NRG3: variants seen among roughly 807,000 people sequenced by gnomAD.
NRG3 encodes pro-neuregulin-3, membrane-bound isoform.
Under a neutral mutation model 66.9 loss-of-function variants are expected in NRG3, and 31 were observed. The ratio of observed to expected loss-of-function variants is 0.46; its 90% CI spans 0.35 to 0.63. NRG3 has a LOEUF of 0.63. Among genes scored for constraint, NRG3 ranks in the 20% least tolerant of loss-of-function variants. The pLI is 0.00. For missense variants in NRG3, 910 were observed against 878.9 expected, an observed-to-expected ratio of 1.04 and a Z score of -0.45; for synonymous variants, 393 against 359.4, an observed-to-expected ratio of 1.09 and a Z score of -1.06.
At chr10:82,296,768 G>A (rs1589630329) in intron 1 of NRG3, among the ~76,000 whole-genome samples, 1 of 151,642 alleles carries the variant, frequency 6.6e-6, no homozygotes, top group East Asian at 1.9e-4. Flanking sequence ...CCTTCTATAT[G>A]AGTGTATGTA....
intron 1 of NRG3, chr10:82,228,997 A>T (rs1480001339): frequency 6.6e-6 from 1 of 152,280 alleles, no homozygotes; most frequent in East Asian, 1.9e-4. Flanking sequence ...GTCCTGAGTG[A>T]CATCTCTCTC....
intron 1 of NRG3, among the ~76,000 whole-genome samples, chr10:82,221,250 T>A: frequency 6.7e-6 from 1 of 148,180 alleles, no homozygotes. Context: ...AAAAAAAAAT[T>A]GGCAAGACAG....
chr10:82,240,205 G>A (rs969958984), intron 1 of NRG3, among the ~76,000 whole-genome samples: 4 of 151,592 alleles, frequency 2.6e-5, no homozygotes, highest in Admixed American at 2.0e-4. Flanking sequence ...TACCACTATC[G>A]ATATAATGTG....
chr10:82,924,344 C>T (rs1055428461), intron 4 of NRG3, among the ~76,000 whole-genome samples: 3 of 152,074 alleles, frequency 2.0e-5, no homozygotes, highest in Non-Finnish European at 4.4e-5. Context: ...AAATGCTCCA[C>T]TACCCTGTGC....
chr10:82,215,012 C>T (rs2075592544), intron 1 of NRG3, among the ~76,000 whole-genome samples: 1 of 152,110 alleles, frequency 6.6e-6, no homozygotes, highest in Non-Finnish European at 1.5e-5. Context: ...GTTAAGTACT[C>T]ATATCTAAAG....
intron 1 of NRG3, among the ~76,000 whole-genome samples, chr10:82,083,963 C>G (rs1002678243): frequency 6.6e-6 from 1 of 151,548 alleles, no homozygotes; most frequent in Non-Finnish European, 1.5e-5. Context: ...TGTGGTGGCT[C>G]ACTCCTGTAA....
intron 2 of NRG3, among the ~76,000 whole-genome samples, chr10:82,395,591 A>G (rs1209922573): frequency 1.3e-5 from 2 of 152,222 alleles, no homozygotes; most frequent in African/African-American, 4.8e-5. Context: ...ATATGGCATT[A>G]TATATCTGTC....
At chr10:82,231,690 G>C (rs1008780073) in intron 1 of NRG3, among the ~76,000 whole-genome samples, 1 of 152,094 alleles carries the variant, frequency 6.6e-6, no homozygotes, top group African/African-American at 2.4e-5. Context: ...GGGCAAAAGA[G>C]AAGAAAACAT....
At chr10:82,193,816 A>C (rs1405967935) in intron 1 of NRG3, among the ~76,000 whole-genome samples, 1 of 152,164 alleles carries the variant, frequency 6.6e-6, no homozygotes, top group Non-Finnish European at 1.5e-5. Context: ...CTATTGGATA[A>C]ATACCCTAAG....
chr10:82,237,059 T>C (rs1267953572), intron 1 of NRG3, among the ~76,000 whole-genome samples: 9 of 152,140 alleles, frequency 5.9e-5, no homozygotes, highest in Non-Finnish European at 1.2e-4. Context: ...ACAATGTCTT[T>C]TCAAAAACTC....
At chr10:82,353,886 G>A (rs1434898374) in intron 1 of NRG3, among the ~76,000 whole-genome samples, 1 of 151,726 alleles carries the variant, frequency 6.6e-6, no homozygotes, top group Non-Finnish European at 1.5e-5. Flanking sequence ...CTATGCTGCT[G>A]GGCTGATTTT....
chr10:82,176,609 G>C (rs2073050369), intron 1 of NRG3, among the ~76,000 whole-genome samples: 1 of 152,068 alleles, frequency 6.6e-6, no homozygotes, highest in African/African-American at 2.4e-5. Context: ...CTCCAGCGGT[G>C]TTTGGTTTGG....
chr10:82,853,278 C>CT (rs1190018248), intron 3 of NRG3, among the ~76,000 whole-genome samples: 2 of 152,042 alleles, frequency 1.3e-5, no homozygotes, highest in African/African-American at 4.8e-5. Flanking sequence ...TATGTGGGCT[C>CT]TTTTTTGGTT....
At chr10:82,129,704 G>A (rs750449671) in intron 1 of NRG3, among the ~76,000 whole-genome samples, 1 of 151,790 alleles carries the variant, frequency 6.6e-6, no homozygotes, top group Admixed American at 6.6e-5. Context: ...CTCCCAATAG[G>A]CATGCTCCAC....
chr10:82,943,079 A>G (rs929341998), intron 4 of NRG3, among the ~76,000 whole-genome samples: 1 of 152,186 alleles, frequency 6.6e-6, no homozygotes, highest in African/African-American at 2.4e-5. Flanking sequence ...CTAGTTTTGC[A>G]TATGGGAGTA....
chr10:82,038,257 A>G (rs1589864490), intron 1 of NRG3, among the ~76,000 whole-genome samples: 1 of 152,234 alleles, frequency 6.6e-6, no homozygotes, highest in African/African-American at 2.4e-5. Flanking sequence ...TGGTTTCTTC[A>G]AATCACTTTT....
rs114324520 is a variant in NRG3 at position 82,101,780 on chromosome 10, C to T, written c.823+225617C>T. On this transcript the variant is annotated intron_variant, in intron 1 of 8. Transcript: ENST00000372141. ...TATCTTGGAGAATATTTCATGGTTA[C>T]TTGAAAATGTCTATTACTGTTGGAT... is the stretch of plus-strand genomic sequence containing the variant. Among the ~76,000 whole-genome samples, 966 of 120,382 alleles carry T rather than the reference C, an allele frequency of 8.0e-3. 10 individuals are homozygous for T. Among genetic ancestry groups the T allele is most frequent in the African/African-American group, 0.023 (920 of 39,324 alleles). 79.0% of individuals were successfully genotyped at this position (120,382 alleles called of 152,430 possible).
intron 1 of NRG3, chr10:82,224,453 A>C (rs774887604): frequency 2.0e-5 from 3 of 152,220 alleles, no homozygotes; most frequent in African/African-American, 4.8e-5. Context: ...AGCTGTGTTC[A>C]TGTCTGCCCC....
rs561340967 is a variant in NRG3, at chr10:82,833,940, G to A, written c.1028-31471G>A. On this transcript the variant is annotated intron_variant, in intron 3 of 8. Transcript: ENST00000372141. Reference sequence around the variant, plus strand: ...CCACTTCACATGGGAGAATGGAGGTGAAGTGAGGTTGTGGAAAATAATAAA... The same window carrying A: ...CCACTTCACATGGGAGAATGGAGGTAAAGTGAGGTTGTGGAAAATAATAAA... Among the ~76,000 whole-genome samples, 3 of 152,322 alleles carry A rather than the reference G, an allele frequency of 2.0e-5. No individual in the cohort carries two copies. In the East Asian group the frequency reaches 5.8e-4, roughly 29 times the overall value.
Sources: gnomAD v4.1 joint callset for allele counts (sites outside exome capture counted in the v4.1 genomes callset) on GRCh38, gnomAD v4.1.1 for gene constraint, MANE v1.5 for transcripts, NCBI Gene and HGNC (gene_info 2026-07-23, HGNC 2026-07-21) for gene names.